The following TRPM3 variants were observed in gnomAD, a reference collection of about 807,000 sequenced individuals.
TRPM3 encodes transient receptor potential cation channel subfamily M member 3, also known as long transient receptor potential channel 3.
Under a neutral mutation model 181.2 loss-of-function variants are expected in TRPM3, and 77 were observed. The observed-to-expected ratio is 0.42, with a 90% confidence interval of 0.35 to 0.51. TRPM3 has a LOEUF of 0.51. Ranked by LOEUF, TRPM3 falls within the 20% of genes least tolerant of loss-of-function variation. TRPM3 has a pLI of 0.01. For synonymous variants in TRPM3, 745 were observed against 796.4 expected, an observed-to-expected ratio of 0.94 and a Z score of 1.09; for missense variants, 1,759 against 2,196.7, an observed-to-expected ratio of 0.80 and a Z score of 3.98.
In TRPM3 at chr9:70,603,435, A is replaced by G. The variant is rs150886635; in HGVS notation, c.2703T>C (p.Tyr901=). ...AYIGYLMLFN[Y]IVLVKMERWP... is the part of the protein sequence containing the mutation. ...AGCGTTCCATCTTCACTAACACGAT[A>G]TAGTTGAAGAGCATCAGGTATCCGA... The change falls in exon 20 of 26, where the codon TAT becomes TAC. Residue 901 remains tyrosine (Y), a synonymous_variant. Coordinates refer to ENST00000677713, the MANE Select transcript of TRPM3 (RefSeq NM_001366145.2). The G allele has an allele frequency of 4.5e-5, 72 of 1,614,104 alleles. No homozygotes were observed. In the African/African-American group the frequency reaches 7.7e-4, roughly 17 times the overall value.
rs2081966068 is a variant in TRPM3, at chr9:71,245,247, G to C, written c.183+201406C>G. Among the ~76,000 whole-genome samples, 6 of 151,998 alleles carry C rather than the reference G, an allele frequency of 3.9e-5. No homozygotes were observed. The South Asian group carries it at 1.3e-3, about 32-fold the overall frequency. ...GTGGATCACCTGAGGTCAGGAATTT[G>C]AGACCCCAAACATGGCGAAACCCCA... On this transcript the variant is annotated intron_variant, in intron 1 of 24. Coordinates refer to the TRPM3 transcript ENST00000357533.
intron 22 of TRPM3, among the ~76,000 whole-genome samples, chr9:70,562,327 C>G (rs1484554606): frequency 6.6e-6 from 1 of 152,142 alleles, no homozygotes; most frequent in African/African-American, 2.4e-5. Flanking sequence ...TCATCTATCC[C>G]AGGAGCCAAC....
intron 1 of TRPM3, among the ~76,000 whole-genome samples, chr9:71,071,340 A>G (rs2062740902): frequency 6.6e-6 from 1 of 152,316 alleles, no homozygotes; most frequent in South Asian, 2.1e-4. Flanking sequence ...TGTATTTGGG[A>G]ATCTTTTGAT....
chr9:70,676,282 C>T (rs1057331802), intron 9 of TRPM3, among the ~76,000 whole-genome samples: 6 of 143,594 alleles, frequency 4.2e-5, no homozygotes, highest in African/African-American at 7.3e-5. Flanking sequence ...TGCACATGTA[C>T]GAATGAAACT....
intron 1 of TRPM3, among the ~76,000 whole-genome samples, chr9:71,437,299 A>T (rs1589025479): frequency 6.6e-6 from 1 of 152,238 alleles, no homozygotes; most frequent in Non-Finnish European, 1.5e-5. Context: ...AAAATAATGG[A>T]TCTTGGCAAA....
In TRPM3 at chr9:71,073,946, T is replaced by A. The variant is rs185047696; in HGVS notation, c.177+47232A>T. On this transcript the variant is annotated intron_variant, in intron 1 of 25. Transcript: ENST00000677713. ...GATATACTTCTATCATATAAAATTA[T>A]TCAAATTTCAACTTTCATTGCTGGA... Among the ~76,000 whole-genome samples the A allele has an allele frequency of 9.2e-5, 14 of 152,332 alleles. 1 individual carries two copies. Among genetic ancestry groups the A allele is most frequent in the Admixed American group, 9.2e-4 (14 of 15,292 alleles).
chr9:71,051,606 G>T (rs2133175577), intron 1 of TRPM3, among the ~76,000 whole-genome samples: 1 of 152,204 alleles, frequency 6.6e-6, no homozygotes, highest in South Asian at 2.1e-4. Context: ...GCGGGGTGGG[G>T]GGGTTATATA....
At chr9:70,638,605 A>ATTT (rs1438712359) in intron 11 of TRPM3, among the ~76,000 whole-genome samples, 1 of 152,138 alleles carries the variant, frequency 6.6e-6, no homozygotes, top group African/African-American at 2.4e-5. Flanking sequence ...AAAAAGAGAT[A>ATTT]TTTTACCTTT....
intron 1 of TRPM3, among the ~76,000 whole-genome samples, chr9:71,443,647 T>C (rs1239724668): frequency 1.3e-5 from 2 of 152,002 alleles, no homozygotes; most frequent in Admixed American, 6.6e-5. Context: ...AAGATTAGCG[T>C]CAAAATCATG....
intron 6 of TRPM3, among the ~76,000 whole-genome samples, chr9:70,787,797 TTTTTA>T (rs1314525324): frequency 4.7e-5 from 7 of 149,780 alleles, no homozygotes; most frequent in East Asian, 1.9e-4. Context: ...GCTTTTTATT[TTTTTA>T]TTTTATTTTT....
At chr9:70,693,903 A>C (rs888896690) in intron 8 of TRPM3, among the ~76,000 whole-genome samples, 3 of 152,242 alleles carry the variant, frequency 2.0e-5, no homozygotes, top group African/African-American at 7.2e-5. Flanking sequence ...CTTTAGGAAA[A>C]GATACATTTT....
intron 1 of TRPM3, among the ~76,000 whole-genome samples, chr9:71,144,820 T>A (rs1470194573): frequency 3.3e-5 from 5 of 152,184 alleles, no homozygotes; most frequent in Non-Finnish European, 7.4e-5. Context: ...CTTAATATAA[T>A]AATTTTAATG....
intron 19 of TRPM3, among the ~76,000 whole-genome samples, chr9:70,606,444 T>C (rs1306918794): frequency 6.6e-6 from 1 of 152,156 alleles, no homozygotes; most frequent in African/African-American, 2.4e-5. Flanking sequence ...TAATGAACTT[T>C]TCCCATAGTC....
At chr9:70,751,999 A>AGTGTGTATGT (rs57794545) in intron 8 of TRPM3, among the ~76,000 whole-genome samples, 5,364 of 103,552 alleles carry the variant, frequency 0.052, 146 homozygotes, top group Middle Eastern at 0.07. Flanking sequence ...ACATCTCAAC[A>AGTGTGTATGT]GTGTGTGTGT....
chr9:70,962,113 A>T (rs2097141935), intron 1 of TRPM3, among the ~76,000 whole-genome samples: 1 of 152,190 alleles, frequency 6.6e-6, no homozygotes. Context: ...CTTAGTGCAG[A>T]TGTAACACAC....
intron 1 of TRPM3, among the ~76,000 whole-genome samples, chr9:71,247,089 C>A (rs979456729): frequency 4.6e-5 from 7 of 152,238 alleles, no homozygotes; most frequent in South Asian, 4.1e-4. Context: ...TCTTGAACTC[C>A]TAACCTTAGG....
intron 9 of TRPM3, among the ~76,000 whole-genome samples, chr9:70,648,502 T>C (rs1044146484): frequency 6.6e-6 from 1 of 151,836 alleles, no homozygotes; most frequent in Non-Finnish European, 1.5e-5. Flanking sequence ...CTAAATTTAA[T>C]ATGCAACCCA....
chr9:70,693,075 A>T (rs12344255), intron 8 of TRPM3, among the ~76,000 whole-genome samples: 43,431 of 152,002 alleles, frequency 0.29, 6,430 homozygotes, highest in South Asian at 0.33. Flanking sequence ...ACAAGTGAAA[A>T]TTCTTCATCT....
At chr9:70,578,513 G>A (rs538537178) in intron 22 of TRPM3, among the ~76,000 whole-genome samples, 2 of 152,334 alleles carry the variant, frequency 1.3e-5, no homozygotes, top group South Asian at 2.1e-4. Context: ...ATCTACTGGT[G>A]TTTGCCAAAA....
Sources: allele counts gnomAD v4.1 joint callset (sites outside exome capture counted in the v4.1 genomes callset), GRCh38; gene constraint gnomAD v4.1.1; transcripts MANE v1.5; gene names NCBI Gene and HGNC (gene_info 2026-07-23, HGNC 2026-07-21).